STARD9: variants seen among roughly 807,000 people sequenced by gnomAD.
STARD9 encodes the protein stAR-related lipid transfer protein 9.
STARD9 carries 346 observed loss-of-function variants against 399.8 expected under a neutral mutation model. The observed-to-expected ratio is 0.87, with a 90% confidence interval of 0.79 to 0.95. The LOEUF (loss-of-function observed/expected upper bound fraction) is 0.95. STARD9 is among the 40% of genes least tolerant of loss of function. STARD9 has a pLI of 0.00. For missense variants in STARD9, 5,832 were observed against 5,667.5 expected (o/e 1.03, Z -0.93); for synonymous variants, 2,203 against 2,143.5 (o/e 1.03, Z -0.77).
intron 32 of STARD9, among the ~76,000 whole-genome samples, chr15:42,719,192 A>AC (rs1242353214): frequency 6.6e-6 from 1 of 152,188 alleles, no homozygotes; most frequent in Non-Finnish European, 1.5e-5. Flanking sequence ...TAGGAGATAG[A>AC]TGAGTCATTG....
chr15:42,630,476 C>G (rs1004613426), intron 3 of STARD9, among the ~76,000 whole-genome samples: 3 of 151,998 alleles, frequency 2.0e-5, no homozygotes, highest in African/African-American at 7.2e-5. Context: ...CAAGTATTCC[C>G]TTTTTCATTT....
At chr15:42,707,731 A>G (rs1000609531) in intron 26 of STARD9, among the ~76,000 whole-genome samples, 3 of 152,068 alleles carry the variant, frequency 2.0e-5, no homozygotes, top group East Asian at 3.9e-4. Context: ...GATGAGATAT[A>G]TTACTATTTG....
chr15:42,581,028 ATT>A (rs2058157631), intron 1 of STARD9: 1 of 468,378 alleles, frequency 2.1e-6, no homozygotes, highest in Admixed American at 3.2e-5. Context: ...GACTGCTGGT[ATT>A]GCCTCTTCTG....
intron 3 of STARD9, among the ~76,000 whole-genome samples, chr15:42,627,449 CA>C (rs899661099): frequency 6.6e-6 from 1 of 152,180 alleles, no homozygotes; most frequent in African/African-American, 2.4e-5. Context: ...ATGTTACAAA[CA>C]TTCCCGTTAT....
rs534295816 is a variant in STARD9 at position 42,689,610 on chromosome 15, C to T, written c.8032C>T (p.Arg2678Cys). The T allele has an allele frequency of 8.2e-5, 126 of 1,537,424 alleles. No homozygotes were observed. The highest frequency in any genetic ancestry group is 8.1e-4 in the East Asian group (33 of 40,916). Reference protein sequence around the residue: ...HAAPAQDRKRRTGELRQFAGA... With the variant: ...HAAPAQDRKRCTGELRQFAGA... ...TGCTCCTGCTCAAGACAGGAAACGT[C>T]GTACTGGAGAACTGAGGCAGTTCGC... The change falls in exon 23 of 33, where the codon CGT becomes TGT. Residue 2678 changes from arginine to cysteine, a missense_variant. By Grantham distance (180) the Arg-to-Cys change is radical. Around this residue, in one of 2 missense-constraint regions of STARD9, gnomAD observed 5,828 missense variants for 5,651.1 expected, o/e 1.03. Coordinates refer to ENST00000290607, the MANE Select transcript of STARD9 (RefSeq NM_020759.3).
At chr15:42,579,025 AC>A (rs1241602262) in intron 1 of STARD9, among the ~76,000 whole-genome samples, 1 of 152,158 alleles carries the variant, frequency 6.6e-6, no homozygotes, top group African/African-American at 2.4e-5. Flanking sequence ...ACCAAATCCA[AC>A]CAGAAATTCC....
Position 42,691,063 on chromosome 15 carries a change from A to C in STARD9, c.9485A>C (p.Glu3162Ala). 1.3e-6 allele frequency: 2 copies of C among 1,537,208 alleles called. No homozygotes were observed. The highest frequency in any genetic ancestry group is 1.7e-6 in the Non-Finnish European group (2 of 1,146,888). ...AAGTTGGTGGTAGAGCCACAGCATG[A>C]ATGTTTAGAAAATACCACTAGATGT... Reference protein sequence around the residue: ...ESKLVVEPQHECLENTTRCFL... With the variant: ...ESKLVVEPQHACLENTTRCFL... Residue 3162 changes from glutamate to alanine, a missense_variant, in exon 23 of 33, where the codon GAA becomes GCA. By Grantham distance (107) the Glu-to-Ala change is moderately radical. This residue lies in a region of STARD9 where 5,828 missense variants were observed against 5,651.1 expected (regional missense o/e 1.03). Transcript: ENST00000290607.
chr15:42,692,340 C>G lies in STARD9; in HGVS notation c.10762C>G (p.Pro3588Ala), dbSNP rs542757875. The change falls in exon 23 of 33, where the codon CCT becomes GCT. Residue 3588 changes from proline (P) to alanine (A), a missense_variant. By Grantham distance (27) the Pro-to-Ala change is conservative. This residue lies in a region of STARD9 where 5,828 missense variants were observed against 5,651.1 expected (regional missense o/e 1.03). Coordinates refer to ENST00000290607, the MANE Select transcript of STARD9 (RefSeq NM_020759.3). ...VAPTSGHDRR[P>A]QFRGPSGEAD... Reference sequence around the variant, plus strand: ...CCCCACTTCGGGTCATGACAGAAGGCCTCAGTTCAGGGGCCCTTCTGGTGA... The same window carrying G: ...CCCCACTTCGGGTCATGACAGAAGGGCTCAGTTCAGGGGCCCTTCTGGTGA... 5 of 1,536,974 alleles carry G rather than the reference C, an allele frequency of 3.3e-6. No homozygotes were observed. The South Asian group carries it at 4.8e-5, about 15-fold the overall frequency.
Position 42,690,955 on chromosome 15 carries a change from A to G in STARD9, c.9377A>G (p.Gln3126Arg). Residue 3126 changes from glutamine (Q) to arginine (R), a missense_variant, in exon 23 of 33, where the codon CAG (glutamine) becomes CGG (arginine). Physicochemically the swap from Gln to Arg is conservative, Grantham distance 43. Transcript: ENST00000290607. Reference protein sequence around the residue: ...RDSSVGDQNAQVCQTNPEPPA... With the variant: ...RDSSVGDQNARVCQTNPEPPA... ...AGCTCTGTAGGTGACCAGAATGCAC[A>G]GGTGTGTCAAACCAATCCAGAACCA... is the stretch of plus-strand genomic sequence containing the variant. 6.5e-7 allele frequency: 1 copy of G among 1,537,234 alleles called. No individual in the cohort carries two copies. The highest frequency in any genetic ancestry group is 8.7e-7 in the Non-Finnish European group (1 of 1,146,920).
Position 42,685,005 on chromosome 15 carries a change from G to A in STARD9, c.3427G>A (p.Asp1143Asn). 1 of 1,537,106 alleles carries A rather than the reference G, an allele frequency of 6.5e-7. No homozygotes were observed. The change falls in exon 23 of 33, where the codon GAC (aspartate) becomes AAC (asparagine). Residue 1143 changes from aspartate (D) to asparagine (N), a missense_variant. By Grantham distance (23) the Asp-to-Asn change is conservative. This residue lies in a region of STARD9 where 5,828 missense variants were observed against 5,651.1 expected (regional missense o/e 1.03). Transcript: ENST00000290607. ...AGAGCCAGAGAACTCTGAAAGTGATGACAGCCAACTATCTGAGGACTCACT... is the reference window on the plus strand; with the variant it reads ...AGAGCCAGAGAACTCTGAAAGTGATAACAGCCAACTATCTGAGGACTCACT... ...FPEPENSESD[D>N]SQLSEDSLAE...
At chr15:42,646,132 G>A (rs1422479025) in intron 7 of STARD9, among the ~76,000 whole-genome samples, 2 of 152,032 alleles carry the variant, frequency 1.3e-5, no homozygotes, top group East Asian at 3.9e-4. Flanking sequence ...CTGCACTCTG[G>A]CCTGGTGAAC....
chr15:42,711,658 A>G (rs1204177770), intron 26 of STARD9, among the ~76,000 whole-genome samples: 1 of 152,156 alleles, frequency 6.6e-6, no homozygotes, highest in Non-Finnish European at 1.5e-5. Context: ...TGAGAGCTTC[A>G]TTCGTTTTTA....
chr15:42,590,151 T>C (rs1011993717), intron 3 of STARD9, among the ~76,000 whole-genome samples: 1 of 151,168 alleles, frequency 6.6e-6, no homozygotes, highest in Non-Finnish European at 1.5e-5. Context: ...TTTGTAGAAA[T>C]GTGGTCTCAC....
chr15:42,687,212 A>G lies in STARD9; in HGVS notation c.5634A>G (p.Lys1878=). ...FENQVVILNK[K]HSFPALEGGE... is the part of the protein sequence containing the mutation. Reference sequence around the variant, plus strand: ...ACCAAGTTGTAATTTTAAATAAAAAACACAGTTTTCCAGCACTTGAGGGAG... The same window carrying G: ...ACCAAGTTGTAATTTTAAATAAAAAGCACAGTTTTCCAGCACTTGAGGGAG... The change falls in exon 23 of 33, where the codon AAA becomes AAG. Residue 1878 remains lysine, a synonymous_variant. Coordinates refer to ENST00000290607, the MANE Select transcript of STARD9 (RefSeq NM_020759.3). The G allele has an allele frequency of 2.0e-6, 3 of 1,537,370 alleles. No individual in the cohort carries two copies. Among genetic ancestry groups the G allele is most frequent in the Non-Finnish European group, 2.6e-6 (3 of 1,146,968 alleles).
At chr15:42,598,988 A>G (rs556876139) in intron 3 of STARD9, among the ~76,000 whole-genome samples, 123 of 152,232 alleles carry the variant, frequency 8.1e-4, no homozygotes, top group African/African-American at 2.8e-3. Flanking sequence ...CAGTGGCACA[A>G]TCTCAGCTCA....
intron 3 of STARD9, among the ~76,000 whole-genome samples, chr15:42,617,184 G>A (rs1382364598): frequency 6.6e-6 from 1 of 151,982 alleles, no homozygotes; most frequent in East Asian, 1.9e-4. Context: ...AAATACTGGT[G>A]GAATAAATAA....
At chr15:42,582,952 A>G (rs997340511) in intron 1 of STARD9, among the ~76,000 whole-genome samples, 2 of 152,222 alleles carry the variant, frequency 1.3e-5, no homozygotes, top group Admixed American at 6.5e-5. Flanking sequence ...TAGCTCTGCC[A>G]CTGATAGCTG....
At chr15:42,614,358 G>A (rs1006661811) in intron 3 of STARD9, among the ~76,000 whole-genome samples, 1 of 151,568 alleles carries the variant, frequency 6.6e-6, no homozygotes, top group African/African-American at 2.4e-5. Context: ...AAAAGAAAAA[G>A]CAGTTCAGTA....
In STARD9 at chr15:42,688,053, C is replaced by CGAGAGAGTGAACCTGT. The variant is rs2060604660; in HGVS notation, c.6483_6498dup (p.His2167Ter). ...CCCCTTCAGGTCAAGGGAAGGTGTACGAGAGAGTGAACCTGTGAGAGAGCA... is the reference window on the plus strand; with the variant it reads ...CCCCTTCAGGTCAAGGGAAGGTGTACGAGAGAGTGAACCTGTGAGAGAGTGAACCTGTGAGAGAGCA... On this transcript the variant is annotated frameshift_variant, in exon 23 of 33. Coordinates refer to ENST00000290607, the MANE Select transcript of STARD9 (RefSeq NM_020759.3). LOFTEE classifies it high-confidence loss of function. The CGAGAGAGTGAACCTGT allele has an allele frequency of 1.3e-6, 2 of 1,537,282 alleles. No homozygotes were observed. Among genetic ancestry groups the CGAGAGAGTGAACCTGT allele is most frequent in the Admixed American group, 3.9e-5 (2 of 50,978 alleles).
Sources: gnomAD v4.1 joint callset for allele counts (sites outside exome capture counted in the v4.1 genomes callset) on GRCh38, gnomAD v4.1.1 for gene constraint, gnomAD v4.1.1 regional missense constraint, MANE v1.5 for transcripts, NCBI Gene and HGNC (gene_info 2026-07-23, HGNC 2026-07-21) for gene names.